The following AGAP1 variants were observed in gnomAD, a reference collection of about 807,000 sequenced individuals.
AGAP1 encodes ArfGAP with GTPase domain, ankyrin repeat and PH domain 1.
A neutral mutation model predicts 105.3 loss-of-function variants in AGAP1; 29 were observed. That is an observed-to-expected ratio of 0.28 (90% CI 0.21 to 0.38). The LOEUF is 0.38. AGAP1 is among the 10% of genes least tolerant of loss of function. The pLI is 1.00. For synonymous variants in AGAP1, 509 were observed against 485.9 expected (o/e 1.05, Z -0.63); for missense variants, 998 against 1,165.1 (o/e 0.86, Z 2.09).
chr2:235,862,185 C>A (rs1274679244), intron 9 of AGAP1, among the ~76,000 whole-genome samples: 1 of 152,164 alleles, frequency 6.6e-6, no homozygotes, highest in Non-Finnish European at 1.5e-5. Context: ...GCACGTGCAG[C>A]CCGGGACCAT....
At position 235,979,180 on chromosome 2, in the gene AGAP1, G is replaced by A. The variant is rs1180273434; in HGVS notation, c.1645+10557G>A. ...GGGATATGATCTCACTGTGTTGTCC[G>A]GGCTAGTCTCAAATCCCTGGTCTCA... On this transcript the variant is annotated intron_variant, in intron 13 of 17. Coordinates refer to ENST00000304032, the MANE Select transcript of AGAP1 (RefSeq NM_001037131.3). This position sits in a 1 kb window ranked among gnomAD's most constrained non-coding sequence, Gnocchi z 4.5. Among the ~76,000 whole-genome samples the A allele has an allele frequency of 6.1e-5, 9 of 148,300 alleles. No homozygotes were observed. Among genetic ancestry groups the A allele is most frequent in the East Asian group, 3.9e-4 (2 of 5,074 alleles).
rs958048597 is a variant in AGAP1 at position 235,976,998 on chromosome 2, A to C, written c.1645+8375A>C. 1.3e-5 allele frequency among the ~76,000 whole-genome samples: 2 copies of C among 152,182 alleles called. No homozygotes were observed. Among genetic ancestry groups the C allele is most frequent in the African/African-American group, 4.8e-5 (2 of 41,444 alleles). On this transcript the variant is annotated intron_variant, in intron 13 of 17. Coordinates refer to ENST00000304032, the MANE Select transcript of AGAP1 (RefSeq NM_001037131.3). This position sits in a 1 kb window ranked among gnomAD's most constrained non-coding sequence, Gnocchi z 4.5. Reference sequence around the variant, plus strand: ...AGAAGCATAAACTCACCTTTGAAAAATGCTGACTACTCACAAGGTCCCTTT... The same window carrying C: ...AGAAGCATAAACTCACCTTTGAAAACTGCTGACTACTCACAAGGTCCCTTT...
At chr2:235,821,653 A>C (rs1255429510) in intron 9 of AGAP1, among the ~76,000 whole-genome samples, 4 of 152,188 alleles carry the variant, frequency 2.6e-5, no homozygotes, top group Non-Finnish European at 5.9e-5. Context: ...TTTTTATATA[A>C]CTAGTACAGC....
In AGAP1 at chr2:235,887,647, T is replaced by C. The variant is rs1022595753; in HGVS notation, c.1155+4198T>C. Among the ~76,000 whole-genome samples the C allele has an allele frequency of 9.2e-5, 14 of 152,202 alleles. No homozygotes were observed. Among genetic ancestry groups the C allele is most frequent in the African/African-American group, 3.1e-4 (13 of 41,442 alleles). On this transcript the variant is annotated intron_variant, in intron 10 of 17. Transcript: ENST00000304032. The surrounding 1 kb of genome is among the most constrained non-coding windows in gnomAD (Gnocchi z 4.1). ...CTCATATAGCATAGCCTACAGCCCG[T>C]TCTTTTCCACAGAGCCCAGGAAAAA...
intron 2 of AGAP1, among the ~76,000 whole-genome samples, chr2:235,710,537 C>G (rs959756022): frequency 3.3e-5 from 5 of 152,150 alleles, no homozygotes; most frequent in African/African-American, 1.2e-4. Flanking sequence ...TGGGCTGTCT[C>G]TGCAGCACTT....
Position 235,891,126 on chromosome 2 carries a change from T to C in AGAP1, c.1155+7677T>C, listed in dbSNP as rs894387101. 1.3e-5 allele frequency among the ~76,000 whole-genome samples: 2 copies of C among 152,094 alleles called. No homozygotes were observed. The highest frequency in any genetic ancestry group is 4.8e-5 in the African/African-American group (2 of 41,420). On this transcript the variant is annotated intron_variant, in intron 10 of 17. Transcript: ENST00000304032. The surrounding 1 kb of genome is among the most constrained non-coding windows in gnomAD (Gnocchi z 4.2). ...GAGGGGTTCCCAGGGTGCAGGACTT[T>C]CATAGCTAACATCAGGGAAGTCCCA... is the stretch of plus-strand genomic sequence containing the variant.
At position 235,914,563 on chromosome 2, in the gene AGAP1, C is replaced by T. The variant is rs373894141; in HGVS notation, c.1324+5657C>T. Among the ~76,000 whole-genome samples the T allele has an allele frequency of 1.7e-4, 26 of 152,338 alleles. 1 individual carries two copies. In the South Asian group the frequency reaches 5.0e-3, roughly 29 times the overall value. On this transcript the variant is annotated intron_variant, in intron 11 of 17. Transcript: ENST00000304032. The stretch of plus-strand genomic sequence containing the variant: ...TGATTTGCCTGTATTGAAATAGTGA[C>T]TACATTTCACACTTTAAAATGCTGG...
In AGAP1 at chr2:236,080,478, C is replaced by G. The variant is rs2058753472; in HGVS notation, c.2114+31197C>G. Among the ~76,000 whole-genome samples the G allele has an allele frequency of 6.6e-6, 1 of 152,148 alleles. No homozygotes were observed. Among genetic ancestry groups the G allele is most frequent in the Non-Finnish European group, 1.5e-5 (1 of 68,026 alleles). On this transcript the variant is annotated intron_variant, in intron 16 of 17. Coordinates refer to ENST00000304032, the MANE Select transcript of AGAP1 (RefSeq NM_001037131.3). This position sits in a 1 kb window ranked among gnomAD's most constrained non-coding sequence, Gnocchi z 4.2. ...AAGAGTTGTTACGGAGACTCTATGG[C>G]CAAGAGGGACAGATCACACTAGACA... is the stretch of plus-strand genomic sequence containing the variant.
chr2:235,996,548 A>G (rs1576005188), intron 13 of AGAP1, among the ~76,000 whole-genome samples: 1 of 152,170 alleles, frequency 6.6e-6, no homozygotes, highest in Admixed American at 6.5e-5. Context: ...TCCTTCCTGC[A>G]CCCAAGCCCT....
At chr2:235,791,431 T>C (rs149798328) in intron 6 of AGAP1, among the ~76,000 whole-genome samples, 8 of 152,160 alleles carry the variant, frequency 5.3e-5, no homozygotes, top group Non-Finnish European at 8.8e-5. Flanking sequence ...TTTCTTTTTT[T>C]TGTAGGGGCG....
At chr2:235,947,209 C>A (rs1385183448) in intron 12 of AGAP1, among the ~76,000 whole-genome samples, 1 of 152,090 alleles carries the variant, frequency 6.6e-6, no homozygotes, top group Non-Finnish European at 1.5e-5. Context: ...AACGTGTAGT[C>A]TTTTATCCCT....
chr2:235,899,599 C>T (rs923187746), intron 10 of AGAP1, among the ~76,000 whole-genome samples: 2 of 152,216 alleles, frequency 1.3e-5, no homozygotes, highest in Non-Finnish European at 2.9e-5. Flanking sequence ...GAGACCCAGA[C>T]AGGCAGTATC....
At position 236,124,170 on chromosome 2, in the gene AGAP1, C is replaced by T. The variant is rs753953278; in HGVS notation, c.*48C>T. On this transcript the variant is annotated 3_prime_UTR_variant, in exon 18 of 18. Coordinates refer to ENST00000304032, the MANE Select transcript of AGAP1 (RefSeq NM_001037131.3). This position sits in a 1 kb window ranked among gnomAD's most constrained non-coding sequence, Gnocchi z 5.1. ...CGCCGCACCTGGGACGCGGCAGCCT[C>T]GCCGCATTCTCGCTCAGAAGTCGCA... 5 of 1,592,712 alleles carry T rather than the reference C, an allele frequency of 3.1e-6. No homozygotes were observed. Among genetic ancestry groups the T allele is most frequent in the South Asian group, 1.1e-5 (1 of 89,656 alleles).
rs1321363959 is a variant in AGAP1 at position 235,740,026 on chromosome 2, C to T, written c.311-937C>T. 6.6e-6 allele frequency among the ~76,000 whole-genome samples: 1 copy of T among 152,170 alleles called. No individual in the cohort carries two copies. The highest frequency in any genetic ancestry group is 1.5e-5 in the Non-Finnish European group (1 of 68,032). On this transcript the variant is annotated intron_variant, in intron 3 of 17. Transcript: ENST00000304032. The surrounding 1 kb of genome is among the most constrained non-coding windows in gnomAD (Gnocchi z 5.7). ...AGAGCTGGGAACCGATGCGTGCCTT[C>T]CCTCTTTAAAACAAGAGTTTCGAAT...
At chr2:235,748,004 G>A (rs973468908) in intron 5 of AGAP1, among the ~76,000 whole-genome samples, 8 of 152,266 alleles carry the variant, frequency 5.3e-5, no homozygotes, top group African/African-American at 1.9e-4. Context: ...CTGCACGAAT[G>A]TTCATAATTG....
chr2:235,630,548 T>A (rs1379496749), intron 1 of AGAP1, among the ~76,000 whole-genome samples: 4 of 152,134 alleles, frequency 2.6e-5, no homozygotes, highest in Non-Finnish European at 5.9e-5. Flanking sequence ...TGAGATAGGG[T>A]TTGTAGCCTT....
chr2:235,809,147 CTG>C (rs965012358), intron 9 of AGAP1, among the ~76,000 whole-genome samples: 12 of 152,036 alleles, frequency 7.9e-5, no homozygotes, highest in Admixed American at 6.5e-4. Flanking sequence ...GGGAGTCCCT[CTG>C]TGCGAGCCAG....
chr2:235,934,873 T>G lies in AGAP1; in HGVS notation c.1483+3950T>G, dbSNP rs1684983546. ...TAAAACATAATAATCACGGCAACAT[T>G]GGGATTCACTGTTTCTCCGCCCCCC... is the stretch of plus-strand genomic sequence containing the variant. On this transcript the variant is annotated intron_variant, in intron 12 of 17. Coordinates refer to ENST00000304032, the MANE Select transcript of AGAP1 (RefSeq NM_001037131.3). This position sits in a 1 kb window ranked among gnomAD's most constrained non-coding sequence, Gnocchi z 4.9. Among the ~76,000 whole-genome samples the G allele has an allele frequency of 6.6e-6, 1 of 152,138 alleles. No individual in the cohort carries two copies. Among genetic ancestry groups the G allele is most frequent in the Non-Finnish European group, 1.5e-5 (1 of 68,030 alleles).
chr2:235,948,985 A>G (rs140131473), intron 12 of AGAP1, among the ~76,000 whole-genome samples: 1 of 152,324 alleles, frequency 6.6e-6, no homozygotes, highest in African/African-American at 2.4e-5. Context: ...ATCACAACTT[A>G]CAGTTTAGTT....
Sources: allele counts gnomAD v4.1 joint callset (sites outside exome capture counted in the v4.1 genomes callset), GRCh38; gene constraint gnomAD v4.1.1; non-coding constraint Gnocchi (gnomAD v3.1); transcripts MANE v1.5; gene names NCBI Gene and HGNC (gene_info 2026-07-23, HGNC 2026-07-21).